Variants in AGMO observed in about 807,000 individuals in gnomAD.
The protein encoded by AGMO is alkylglycerol monooxygenase, also known as glyceryl-ether monooxygenase.
Under a neutral mutation model 60.2 loss-of-function variants are expected in AGMO, and 75 were observed. That is an observed-to-expected ratio of 1.25 (90% confidence interval 1.03 to 1.51). The LOEUF is 1.51. Ranked by LOEUF, AGMO falls within the 40% of genes most tolerant of loss-of-function variation. AGMO has a pLI of 0.00. For missense variants in AGMO, 763 were observed against 525.5 expected (o/e 1.45, Z -4.42); for synonymous variants, 261 against 177.1 (o/e 1.47, Z -3.76).
At chr7:15,558,198 C>T (rs1785202709) in intron 2 of AGMO, among the ~76,000 whole-genome samples, 1 of 151,768 alleles carries the variant, frequency 6.6e-6, no homozygotes, top group Non-Finnish European at 1.5e-5. Context: ...AGAGAACAAT[C>T]TAATTTCATT....
chr7:15,270,739 A>G (rs1374472955), intron 12 of AGMO, among the ~76,000 whole-genome samples: 2 of 150,210 alleles, frequency 1.3e-5, no homozygotes, highest in Non-Finnish European at 3.0e-5. Context: ...TGCCTGGGTC[A>G]GTGTCCAGAA....
At chr7:15,144,471 C>A in the AGMO span, among the ~76,000 whole-genome samples, 1 of 152,076 alleles carries the variant, frequency 6.6e-6, no homozygotes, top group South Asian at 2.1e-4. Context: ...ATAAGAAATG[C>A]AAATGAGAAA....
At chr7:15,374,082 G>C (rs898397719) in intron 10 of AGMO, among the ~76,000 whole-genome samples, 1 of 152,172 alleles carries the variant, frequency 6.6e-6, no homozygotes, top group African/African-American at 2.4e-5. Context: ...CCGAAGGCTT[G>C]AAGATGCTTC....
At chr7:15,408,952 G>C (rs546689258) in intron 5 of AGMO, among the ~76,000 whole-genome samples, 17 of 151,726 alleles carry the variant, frequency 1.1e-4, no homozygotes, top group African/African-American at 3.9e-4. Context: ...TGGAATAATA[G>C]CATATGGAAA....
the AGMO span, among the ~76,000 whole-genome samples, chr7:15,181,365 T>C: frequency 6.6e-6 from 1 of 152,290 alleles, no homozygotes; most frequent in East Asian, 1.9e-4. Flanking sequence ...TGAGACTCTT[T>C]AGGGACAAAA....
intron 12 of AGMO, among the ~76,000 whole-genome samples, chr7:15,277,416 C>G (rs911093207): frequency 3.9e-5 from 6 of 152,084 alleles, no homozygotes; most frequent in Admixed American, 1.3e-4. Flanking sequence ...TATTCTGATC[C>G]TTTGGTGGTG....
At chr7:15,364,633 T>C (rs1782900402) in intron 12 of AGMO, among the ~76,000 whole-genome samples, 1 of 152,068 alleles carries the variant, frequency 6.6e-6, no homozygotes, top group Non-Finnish European at 1.5e-5. Context: ...GTAGCACCAA[T>C]TCCTAGAAGT....
intron 9 of AGMO, among the ~76,000 whole-genome samples, chr7:15,386,034 A>G (rs1203213056): frequency 6.6e-6 from 1 of 152,140 alleles, no homozygotes; most frequent in African/African-American, 2.4e-5. Flanking sequence ...TAAAAAAATT[A>G]GCTGGGCATG....
Position 15,322,656 on chromosome 7 carries a change from A to G in AGMO, c.1263+42858T>C, listed in dbSNP as rs1212162013. On this transcript the variant is annotated intron_variant, in intron 12 of 12. Transcript: ENST00000342526. The stretch of plus-strand genomic sequence containing the variant: ...AATATATATAAATATATAAATATAT[A>G]TATAAATATATATAAATATATGTAT... Among the ~76,000 whole-genome samples the G allele has an allele frequency of 3.7e-3, 303 of 82,090 alleles. 63 individuals are homozygous for G. Among genetic ancestry groups the G allele is most frequent in the African/African-American group, 9.9e-3 (165 of 16,648 alleles). 53.9% of individuals were successfully genotyped at this position (82,090 alleles called of 152,430 possible).
chr7:15,558,831 A>T (rs1310447566), intron 2 of AGMO, among the ~76,000 whole-genome samples: 1 of 152,082 alleles, frequency 6.6e-6, no homozygotes, highest in Non-Finnish European at 1.5e-5. Context: ...TAAAGTTTTA[A>T]TGTTATTTTT....
At chr7:15,468,901 G>GT (rs1782365543) in intron 3 of AGMO, among the ~76,000 whole-genome samples, 1 of 151,910 alleles carries the variant, frequency 6.6e-6, no homozygotes, top group Admixed American at 6.6e-5. Context: ...GCTCTTGTTG[G>GT]TTTTTTCCAA....
chr7:15,518,269 T>C (rs545232914), intron 3 of AGMO, among the ~76,000 whole-genome samples: 21 of 152,306 alleles, frequency 1.4e-4, no homozygotes, highest in Admixed American at 7.2e-4. Flanking sequence ...CATTCCTGCC[T>C]GCTGGCTCTG....
At chr7:15,367,285 CAA>C (rs1783025096) in intron 10 of AGMO, among the ~76,000 whole-genome samples, 1 of 151,528 alleles carries the variant, frequency 6.6e-6, no homozygotes, top group Non-Finnish European at 1.5e-5. Flanking sequence ...ATCATTGTAA[CAA>C]AACATTTTTG....
intron 12 of AGMO, among the ~76,000 whole-genome samples, chr7:15,325,989 G>A (rs563118711): frequency 6.6e-6 from 1 of 152,078 alleles, no homozygotes; most frequent in Admixed American, 6.6e-5. Flanking sequence ...GTTTATAAAT[G>A]AGCAGTCACT....
chr7:15,206,772 C>T (rs1480758092), intron 12 of AGMO, among the ~76,000 whole-genome samples: 1 of 152,054 alleles, frequency 6.6e-6, no homozygotes, highest in Admixed American at 6.6e-5. Flanking sequence ...AAATACTAAA[C>T]ATAACGCAAT....
intron 2 of AGMO, among the ~76,000 whole-genome samples, chr7:15,545,777 T>C (rs1362922204): frequency 2.0e-5 from 3 of 151,996 alleles, no homozygotes; most frequent in African/African-American, 7.2e-5. Flanking sequence ...TTCTTTCAAG[T>C]TTTATATGAT....
intron 12 of AGMO, among the ~76,000 whole-genome samples, chr7:15,364,670 A>T (rs972027523): frequency 1.4e-4 from 22 of 152,038 alleles, no homozygotes; most frequent in Non-Finnish European, 2.2e-4. Context: ...GGGTATGTGT[A>T]TTTGCAATTT....
intron 12 of AGMO, among the ~76,000 whole-genome samples, chr7:15,348,235 C>G (rs1014589375): frequency 1.3e-5 from 2 of 152,022 alleles, no homozygotes; most frequent in Admixed American, 6.6e-5. Flanking sequence ...CCAAAGGACA[C>G]CTGAACTCAT....
intron 12 of AGMO, among the ~76,000 whole-genome samples, chr7:15,338,216 G>A (rs1218591183): frequency 6.6e-6 from 1 of 152,114 alleles, no homozygotes; most frequent in Admixed American, 6.5e-5. Flanking sequence ...ATACAACTCA[G>A]TGGCATTTAG....
Sources: allele counts gnomAD v4.1 joint callset (sites outside exome capture counted in the v4.1 genomes callset), GRCh38; gene constraint gnomAD v4.1.1; transcripts MANE v1.5; gene names NCBI Gene and HGNC (gene_info 2026-07-23, HGNC 2026-07-21).